TMEM132B: variants seen among roughly 807,000 people sequenced by gnomAD.
TMEM132B encodes transmembrane protein 132B.
Under a neutral mutation model 90.8 loss-of-function variants are expected in TMEM132B, and 18 were observed. That is an observed-to-expected ratio of 0.20 (90% CI 0.14 to 0.29). The LOEUF is 0.29. Ranked by LOEUF, TMEM132B falls within the 10% of genes least tolerant of loss-of-function variation. The probability of loss-of-function intolerance (pLI) is 1.00; values close to 1 mark genes in which losing one functional copy is unlikely to be tolerated. For missense variants in TMEM132B, 1,096 were observed against 1,326.8 expected (o/e 0.83, Z 2.70); for synonymous variants, 504 against 523.3 (o/e 0.96, Z 0.50).
chr12:125,186,651 G>A lies in TMEM132B; in HGVS notation c.-149G>A, dbSNP rs1297963437. The stretch of plus-strand genomic sequence containing the variant: ...AGCCGAGGAAGCGCCGCCAGCGCCG[G>A]CGCATGCGTCTGGGGAGGAGCGGCG... On this transcript the variant is annotated 5_prime_UTR_variant, in exon 1 of 9. Coordinates refer to ENST00000682704, the MANE Select transcript of TMEM132B (RefSeq NM_001366854.1). This position sits in a 1 kb window ranked among gnomAD's most constrained non-coding sequence, Gnocchi z 6.3. 1.0e-4 allele frequency among the ~76,000 whole-genome samples: 15 copies of A among 146,700 alleles called. No individual in the cohort carries two copies. Among genetic ancestry groups the A allele is most frequent in the Admixed American group, 1.0e-3 (15 of 14,766 alleles).
intron 2 of TMEM132B, among the ~76,000 whole-genome samples, chr12:125,379,503 AC>A (rs1878595994): frequency 6.6e-6 from 1 of 152,194 alleles, no homozygotes. Context: ...CAAAATAAAG[AC>A]AAAAAATGGA....
chr12:125,630,151 T>C lies in TMEM132B; in HGVS notation c.1438-13925T>C, dbSNP rs535321212. On this transcript the variant is annotated intron_variant, in intron 5 of 8. Transcript: ENST00000682704. The stretch of plus-strand genomic sequence containing the variant: ...TGGTATCAGGGAAATACTAGCCTTG[T>C]AAAATGAATTTGGAAGTATTCCCTC... Among the ~76,000 whole-genome samples the C allele has an allele frequency of 1.9e-3, 293 of 152,278 alleles. 1 individual carries two copies. Among genetic ancestry groups the C allele is most frequent in the African/African-American group, 6.9e-3 (287 of 41,580 alleles).
chr12:125,402,511 G>T (rs1176246228), intron 2 of TMEM132B, among the ~76,000 whole-genome samples: 11 of 152,186 alleles, frequency 7.2e-5, no homozygotes, highest in Non-Finnish European at 2.9e-5. Context: ...TGTAGACCCT[G>T]GCTTCATTCT....
intron 4 of TMEM132B, among the ~76,000 whole-genome samples, chr12:125,563,147 G>GTAATAATAA (rs143547141): frequency 3.2e-3 from 447 of 138,412 alleles, no homozygotes; most frequent in East Asian, 8.0e-3. Context: ...ACCATAATGC[G>GTAATAATAA]TAATAATAAT....
chr12:125,345,552 A>T (rs1167381330), intron 1 of TMEM132B, among the ~76,000 whole-genome samples: 1 of 152,144 alleles, frequency 6.6e-6, no homozygotes, highest in Admixed American at 6.5e-5. Flanking sequence ...GAGTAATATT[A>T]TTAATCTCCT....
chr12:125,232,077 AC>A (rs1402807363), intron 1 of TMEM132B, among the ~76,000 whole-genome samples: 2 of 152,198 alleles, frequency 1.3e-5, no homozygotes, highest in East Asian at 3.8e-4. Context: ...TTACACACTT[AC>A]GCATATATAG....
chr12:125,494,825 TC>T (rs1882496848), intron 3 of TMEM132B, among the ~76,000 whole-genome samples: 1 of 2,570 alleles, frequency 3.9e-4, no homozygotes, highest in African/African-American at 1.9e-3. Context: ...GCATCCCTCC[TC>T]CCCCTCCTCC....
At chr12:125,289,182 C>A (rs1401477863) in intron 1 of TMEM132B, among the ~76,000 whole-genome samples, 1 of 152,124 alleles carries the variant, frequency 6.6e-6, no homozygotes, top group Non-Finnish European at 1.5e-5. Context: ...GGTTCTGAGT[C>A]CCATACTCTC....
chr12:125,398,032 TCAGGGTC>T (rs552783896), intron 2 of TMEM132B, among the ~76,000 whole-genome samples: 83 of 152,272 alleles, frequency 5.5e-4, no homozygotes, highest in African/African-American at 1.9e-3. Flanking sequence ...GCAGCTCAGT[TCAGGGTC>T]CAGTTTGCTT....
At chr12:125,592,445 G>A (rs1447552984) in intron 5 of TMEM132B, among the ~76,000 whole-genome samples, 1 of 152,092 alleles carries the variant, frequency 6.6e-6, no homozygotes, top group Non-Finnish European at 1.5e-5. Context: ...GCTAATAAAG[G>A]GACATTAATA....
chr12:125,415,702 C>T lies in TMEM132B; in HGVS notation c.1106+25C>T, dbSNP rs1288950267. ...GGTAAGCATGGAGATCCCCAAGGCA[C>T]CTCCGCAGTGGGGAGGAGGGGAGTG... On this transcript the variant is annotated intron_variant, in intron 3 of 8. Transcript: ENST00000682704. This position sits in a 1 kb window ranked among gnomAD's most constrained non-coding sequence, Gnocchi z 5.3. 1 of 1,612,592 alleles carries T rather than the reference C, an allele frequency of 6.2e-7. No individual in the cohort carries two copies. The highest frequency in any genetic ancestry group is 1.3e-5 in the African/African-American group (1 of 74,896).
At chr12:125,497,205 G>A (rs1181120641) in intron 3 of TMEM132B, among the ~76,000 whole-genome samples, 2 of 152,214 alleles carry the variant, frequency 1.3e-5, no homozygotes, top group Non-Finnish European at 2.9e-5. Context: ...TTGCCAAGCA[G>A]TACTTTAAGT....
chr12:125,489,430 T>C (rs1368354084), intron 3 of TMEM132B, among the ~76,000 whole-genome samples: 1 of 152,082 alleles, frequency 6.6e-6, no homozygotes. Context: ...TATTTAGAGA[T>C]GGGTGTCTCA....
At chr12:125,494,506 T>TGC (rs1882471403) in intron 3 of TMEM132B, among the ~76,000 whole-genome samples, 1 of 92,650 alleles carries the variant, frequency 1.1e-5, no homozygotes, top group African/African-American at 4.3e-5. Context: ...GAAATGGCCA[T>TGC]GTCCCTGCTC....
At chr12:125,324,611 G>A (rs976577790) in intron 1 of TMEM132B, among the ~76,000 whole-genome samples, 3 of 152,154 alleles carry the variant, frequency 2.0e-5, no homozygotes, top group African/African-American at 4.8e-5. Flanking sequence ...TCGGATCAGC[G>A]GCAGCATTAG....
chr12:125,357,549 G>A (rs1050310462), intron 2 of TMEM132B, among the ~76,000 whole-genome samples: 5 of 152,210 alleles, frequency 3.3e-5, no homozygotes, highest in Admixed American at 2.6e-4. Context: ...TAACATGAAA[G>A]GGTATTATAA....
Position 125,353,335 on chromosome 12 carries a change from TG to T in TMEM132B, c.959+2998del, listed in dbSNP as rs534472042. 2.4e-3 allele frequency among the ~76,000 whole-genome samples: 368 copies of T among 152,310 alleles called. 5 individuals are homozygous for T. The highest frequency in any genetic ancestry group is 6.7e-3 in the Admixed American group (103 of 15,302). On this transcript the variant is annotated intron_variant, in intron 2 of 8. Transcript: ENST00000682704. Reference sequence around the variant, plus strand: ...CTTCAGGCAGCCCCTATCACTGCTGTGGGGGGTTGGCACATAAGACTAAACT... The same window carrying T: ...CTTCAGGCAGCCCCTATCACTGCTGTGGGGGTTGGCACATAAGACTAAACT...
intron 2 of TMEM132B, among the ~76,000 whole-genome samples, chr12:125,355,474 G>C (rs1276910952): frequency 6.6e-6 from 1 of 152,148 alleles, no homozygotes; most frequent in Non-Finnish European, 1.5e-5. Context: ...AGAGCTGGGA[G>C]TCATTGACCA....
chr12:125,578,160 C>T (rs1884978223), intron 4 of TMEM132B, among the ~76,000 whole-genome samples: 1 of 152,082 alleles, frequency 6.6e-6, no homozygotes, highest in Non-Finnish European at 1.5e-5. Context: ...CCTTGTTGAT[C>T]TTATGACTAG....
Sources: allele counts gnomAD v4.1 joint callset (sites outside exome capture counted in the v4.1 genomes callset), GRCh38; gene constraint gnomAD v4.1.1; non-coding constraint Gnocchi (gnomAD v3.1); transcripts MANE v1.5; gene names NCBI Gene and HGNC (gene_info 2026-07-23, HGNC 2026-07-21).